ARHGAP39: variants seen among roughly 807,000 people sequenced by gnomAD.
ARHGAP39 encodes rho GTPase-activating protein 39.
ARHGAP39 carries 44 observed loss-of-function variants against 106.9 expected under a neutral mutation model. The ratio of observed to expected loss-of-function variants is 0.41; its 90% confidence interval spans 0.32 to 0.53. The LOEUF is 0.53. Among genes scored for constraint, ARHGAP39 ranks in the 20% least tolerant of loss-of-function variants. The pLI is 0.21. For synonymous variants in ARHGAP39, 768 were observed against 693.2 expected (o/e 1.11, Z -1.69); for missense variants, 1,496 against 1,577.3 (o/e 0.95, Z 0.87).
Position 144,548,008 on chromosome 8 carries a change from T to G in ARHGAP39, c.1078A>C (p.Asn360His), listed in dbSNP as rs1817534065. 6.2e-7 allele frequency: 1 copy of G among 1,609,880 alleles called. No individual in the cohort carries two copies. The highest frequency in any genetic ancestry group is 8.5e-7 in the Non-Finnish European group (1 of 1,179,108). ...GRKPRPFLQPNKQGPPSPCQQ... is the reference protein window; with the variant it reads ...GRKPRPFLQPHKQGPPSPCQQ... Reference sequence around the variant, plus strand: ...CAGGGCGAGGGGGGGCCCTGCTTGTTGGGCTGGAGGAACGGCCGGGGCTTA... The same window carrying G: ...CAGGGCGAGGGGGGGCCCTGCTTGTGGGGCTGGAGGAACGGCCGGGGCTTA... The change falls in exon 5 of 12, where the codon AAC (asparagine) becomes CAC (histidine). Residue 360 changes from asparagine (N) to histidine (H), a missense_variant. Asn to His is a moderately conservative substitution (Grantham distance 68, BLOSUM62 1). This residue lies in a region of ARHGAP39 where 905 missense variants were observed against 816.4 expected (regional missense o/e 1.11). Coordinates refer to ENST00000377307, the MANE Select transcript of ARHGAP39 (RefSeq NM_025251.3). The surrounding 1 kb of genome is among the most constrained non-coding windows in gnomAD (Gnocchi z 7.4).
intron 7 of ARHGAP39, 102 bp from the exon 8 acceptor site, chr8:144,534,304 G>A (rs535908430): frequency 4.4e-6 from 6 of 1,353,820 alleles, no homozygotes; most frequent in African/African-American, 1.4e-5. Flanking sequence ...TGGGGGGCTG[G>A]GCTGGCCTTG....
rs1358514974 is a variant in ARHGAP39, at chr8:144,647,177, C to G, written c.-82+38509G>C. Among the ~76,000 whole-genome samples, 7 of 152,168 alleles carry G rather than the reference C, an allele frequency of 4.6e-5. No individual in the cohort carries two copies. The highest frequency in any genetic ancestry group is 3.4e-3 in the Middle Eastern group (1 of 294). ...AGAGACGGGGTTTCACCATGTTAGC[C>G]AGGATGGTCTTGATCTCTTGACCTC... On this transcript the variant is annotated intron_variant, in intron 1 of 11. Coordinates refer to ENST00000377307, the MANE Select transcript of ARHGAP39 (RefSeq NM_025251.3). This position sits in a 1 kb window ranked among gnomAD's most constrained non-coding sequence, Gnocchi z 4.8.
chr8:144,596,670 G>A (rs900150740), intron 2 of ARHGAP39, among the ~76,000 whole-genome samples: 10 of 152,198 alleles, frequency 6.6e-5, no homozygotes, highest in African/African-American at 1.7e-4. Flanking sequence ...ACAGCCAGGC[G>A]CTGCTCTTTA....
At chr8:144,544,473 T>C (rs1034941226) in intron 6 of ARHGAP39, among the ~76,000 whole-genome samples, 3 of 152,216 alleles carry the variant, frequency 2.0e-5, no homozygotes, top group African/African-American at 7.2e-5. Context: ...AGGGTGTGTG[T>C]GCGTGCGTGC....
upstream of ARHGAP39, among the ~76,000 whole-genome samples, chr8:144,689,760 T>G (rs1331129289): frequency 6.9e-6 from 1 of 143,998 alleles, no homozygotes; most frequent in Non-Finnish European, 1.5e-5. Context: ...TTTTTTTTTT[T>G]GTGACAGAGT....
At chr8:144,620,319 GTC>G (rs1491303249) in intron 1 of ARHGAP39, among the ~76,000 whole-genome samples, 19 of 27,930 alleles carry the variant, frequency 6.8e-4, no homozygotes, top group Non-Finnish European at 7.0e-4. Flanking sequence ...GTGTGCCCGT[GTC>G]TGTTAGCCTG....
chr8:144,562,923 C>A (rs972057318), intron 3 of ARHGAP39, among the ~76,000 whole-genome samples: 2 of 152,274 alleles, frequency 1.3e-5, no homozygotes, highest in African/African-American at 4.8e-5. Flanking sequence ...TCTTGATGAG[C>A]TGACAGACGT....
chr8:144,645,525 G>A lies in ARHGAP39; in HGVS notation c.-81-39830C>T, dbSNP rs1438963795. On this transcript the variant is annotated intron_variant, in intron 1 of 11. Transcript: ENST00000377307. This position sits in a 1 kb window ranked among gnomAD's most constrained non-coding sequence, Gnocchi z 4.4. Reference sequence around the variant, plus strand: ...GGGCAGAGCCTCCCCGCCTCACTCTGGTCTCTCCTGGCAGAGTCACTGAAG... The same window carrying A: ...GGGCAGAGCCTCCCCGCCTCACTCTAGTCTCTCCTGGCAGAGTCACTGAAG... 6.6e-6 allele frequency among the ~76,000 whole-genome samples: 1 copy of A among 151,360 alleles called. No individual in the cohort carries two copies. Among genetic ancestry groups the A allele is most frequent in the African/African-American group, 2.4e-5 (1 of 41,118 alleles).
rs566820503 is a variant in ARHGAP39 at position 144,632,540 on chromosome 8, G to A, written c.-81-26845C>T. 2.0e-5 allele frequency among the ~76,000 whole-genome samples: 3 copies of A among 152,358 alleles called. No homozygotes were observed. The South Asian group carries it at 6.2e-4, about 32-fold the overall frequency. On this transcript the variant is annotated intron_variant, in intron 1 of 11. Coordinates refer to ENST00000377307, the MANE Select transcript of ARHGAP39 (RefSeq NM_025251.3). ...AGGGGTACAGTGGGCTGCACCACAG[G>A]GCAGAGCCGGGTCTGGGCCTGGGCC...
At chr8:144,636,340 G>C (rs1821172518) in intron 1 of ARHGAP39, among the ~76,000 whole-genome samples, 1 of 152,208 alleles carries the variant, frequency 6.6e-6, no homozygotes, top group Non-Finnish European at 1.5e-5. Flanking sequence ...GAGTGGGAAA[G>C]GGGTAGGAAA....
chr8:144,564,523 A>T (rs1036075839), intron 3 of ARHGAP39, among the ~76,000 whole-genome samples: 2 of 152,252 alleles, frequency 1.3e-5, no homozygotes, highest in African/African-American at 4.8e-5. Flanking sequence ...CCCCAAACTG[A>T]CACAAATGAA....
chr8:144,578,685 C>CA (rs900433752), intron 3 of ARHGAP39, among the ~76,000 whole-genome samples: 23 of 151,536 alleles, frequency 1.5e-4, no homozygotes, highest in African/African-American at 3.4e-4. Context: ...CCAATCTCTA[C>CA]AAAAAAAATA....
chr8:144,676,953 A>G (rs1000269206), intron 1 of ARHGAP39, among the ~76,000 whole-genome samples: 2 of 152,264 alleles, frequency 1.3e-5, no homozygotes, highest in African/African-American at 4.8e-5. Context: ...TACTTTTAGT[A>G]TAGACAGGGT....
At chr8:144,535,046 G>A (rs181017722) in intron 7 of ARHGAP39, among the ~76,000 whole-genome samples, 2 of 152,314 alleles carry the variant, frequency 1.3e-5, no homozygotes, top group East Asian at 1.9e-4. Flanking sequence ...CATGGACCTC[G>A]GACAGATGGA....
Position 144,653,892 on chromosome 8 carries a change from C to T in ARHGAP39, c.-82+31794G>A, listed in dbSNP as rs776043374. 3.3e-5 allele frequency among the ~76,000 whole-genome samples: 5 copies of T among 152,190 alleles called. 1 individual carries two copies. The highest frequency in any genetic ancestry group is 4.1e-4 in the South Asian group (2 of 4,830). The stretch of plus-strand genomic sequence containing the variant: ...AATAACTAGAATGTGAAAGAACTGG[C>T]GCCGAAAAGGGAAACAAACAAGGTG... On this transcript the variant is annotated intron_variant, in intron 1 of 11. Coordinates refer to ENST00000377307, the MANE Select transcript of ARHGAP39 (RefSeq NM_025251.3).
intron 1 of ARHGAP39, among the ~76,000 whole-genome samples, chr8:144,636,737 C>T (rs1351883913): frequency 2.0e-5 from 3 of 152,200 alleles, no homozygotes; most frequent in African/African-American, 7.2e-5. Context: ...GCCGGGGTGA[C>T]ACTCCCGCAC....
In ARHGAP39 at chr8:144,575,240, T is replaced by C. The variant is rs539360345; in HGVS notation, c.512+5606A>G. Among the ~76,000 whole-genome samples, 5 of 152,286 alleles carry C rather than the reference T, an allele frequency of 3.3e-5. No homozygotes were observed. The South Asian group carries it at 8.3e-4, about 25-fold the overall frequency. ...GATATCACTGCACACAACTCCTAACTTGACAACCCTGTACACTTCGGCCAC... is the reference window on the plus strand; with the variant it reads ...GATATCACTGCACACAACTCCTAACCTGACAACCCTGTACACTTCGGCCAC... On this transcript the variant is annotated intron_variant, in intron 3 of 11. Coordinates refer to ENST00000377307, the MANE Select transcript of ARHGAP39 (RefSeq NM_025251.3).
intron 1 of ARHGAP39, among the ~76,000 whole-genome samples, chr8:144,660,147 C>T (rs958902574): frequency 2.6e-5 from 4 of 152,164 alleles, no homozygotes; most frequent in Non-Finnish European, 5.9e-5. Flanking sequence ...GGAATGCTCC[C>T]GTGTCTCCTC....
At chr8:144,696,119 T>G in the ARHGAP39 span, among the ~76,000 whole-genome samples, 1 of 152,158 alleles carries the variant, frequency 6.6e-6, no homozygotes, top group African/African-American at 2.4e-5. Context: ...CTCTGCCGCA[T>G]GTCTTCATAC....
Sources: allele counts gnomAD v4.1 joint callset (sites outside exome capture counted in the v4.1 genomes callset), GRCh38; gene constraint gnomAD v4.1.1; regional missense constraint gnomAD v4.1.1; non-coding constraint Gnocchi (gnomAD v3.1); transcripts MANE v1.5; gene names NCBI Gene and HGNC (gene_info 2026-07-23, HGNC 2026-07-21).